DCC: variants seen among roughly 807,000 people sequenced by gnomAD.
The protein encoded by DCC is netrin receptor DCC.
A neutral mutation model predicts 172.5 loss-of-function variants in DCC; 58 were observed. The observed-to-expected ratio is 0.34, with a 90% confidence interval of 0.27 to 0.42. DCC has a LOEUF of 0.42. Ranked by LOEUF, DCC falls within the 10% of genes least tolerant of loss-of-function variation. DCC has a pLI of 1.00. For synonymous variants in DCC, 709 were observed against 644.5 expected, an observed-to-expected ratio of 1.10 and a Z score of -1.52; for missense variants, 1,740 against 1,791.0, an observed-to-expected ratio of 0.97 and a Z score of 0.51.
At chr18:53,236,895 C>A (rs1326129056) in intron 12 of DCC, among the ~76,000 whole-genome samples, 1 of 151,974 alleles carries the variant, frequency 6.6e-6, no homozygotes, top group Admixed American at 6.6e-5. Flanking sequence ...ACATTTGTGT[C>A]TATTTCTGGA....
At chr18:52,954,746 G>A (rs1285040856) in intron 5 of DCC, among the ~76,000 whole-genome samples, 3 of 152,134 alleles carry the variant, frequency 2.0e-5, no homozygotes, top group Non-Finnish European at 2.9e-5. Flanking sequence ...AGCAAATGGA[G>A]TTGATTCGTT....
At chr18:53,493,918 T>C (rs1487193879) in intron 26 of DCC, among the ~76,000 whole-genome samples, 1 of 152,242 alleles carries the variant, frequency 6.6e-6, no homozygotes, top group East Asian at 1.9e-4. Flanking sequence ...ATTGTGATGT[T>C]ATGGTGTTGA....
chr18:52,743,639 C>T (rs2036859785), intron 1 of DCC, among the ~76,000 whole-genome samples: 1 of 152,208 alleles, frequency 6.6e-6, no homozygotes, highest in Non-Finnish European at 1.5e-5. Flanking sequence ...TTGCCTGGGG[C>T]ACACACTTCT....
intron 1 of DCC, among the ~76,000 whole-genome samples, chr18:52,630,722 A>C (rs2034659163): frequency 6.6e-6 from 1 of 152,110 alleles, no homozygotes; most frequent in Non-Finnish European, 1.5e-5. Flanking sequence ...ATATCTCTAG[A>C]AAGAAGCAAT....
At chr18:53,086,738 C>T (rs1408874221) in intron 7 of DCC, among the ~76,000 whole-genome samples, 1 of 102,450 alleles carries the variant, frequency 9.8e-6, no homozygotes, top group Non-Finnish European at 2.2e-5. Context: ...TCTCCCAATG[C>T]TATCCCTCCC....
intron 7 of DCC, among the ~76,000 whole-genome samples, chr18:53,089,898 A>G (rs1466398323): frequency 1.3e-5 from 2 of 152,188 alleles, no homozygotes; most frequent in Non-Finnish European, 2.9e-5. Flanking sequence ...AATCAATAGA[A>G]TTGTTATTTT....
At chr18:53,029,526 G>C (rs1258151530) in intron 5 of DCC, among the ~76,000 whole-genome samples, 1 of 152,140 alleles carries the variant, frequency 6.6e-6, no homozygotes, top group Non-Finnish European at 1.5e-5. Context: ...CTGGTTTGTA[G>C]CCTTTACCAT....
chr18:53,415,743 T>C (rs916824919), intron 20 of DCC, among the ~76,000 whole-genome samples: 1 of 152,046 alleles, frequency 6.6e-6, no homozygotes, highest in African/African-American at 2.4e-5. Context: ...AATAGTCACA[T>C]ACAAGAAAAT....
chr18:52,444,739 C>T (rs548647045), intron 1 of DCC, among the ~76,000 whole-genome samples: 2 of 152,078 alleles, frequency 1.3e-5, no homozygotes, highest in South Asian at 2.1e-4. Flanking sequence ...AGAATGTATT[C>T]GGAGTAATCA....
At chr18:53,140,328 G>A (rs1410441097) in intron 7 of DCC, among the ~76,000 whole-genome samples, 1 of 152,132 alleles carries the variant, frequency 6.6e-6, no homozygotes, top group East Asian at 1.9e-4. Flanking sequence ...GATTAATTTG[G>A]TAGAGGTGAA....
At chr18:52,801,384 T>C (rs996386865) in intron 2 of DCC, among the ~76,000 whole-genome samples, 5 of 152,212 alleles carry the variant, frequency 3.3e-5, no homozygotes, top group Admixed American at 6.5e-5. Flanking sequence ...TCTAATGTTT[T>C]ATATGGATTA....
chr18:53,084,626 A>G (rs2042853413), intron 7 of DCC, among the ~76,000 whole-genome samples: 1 of 152,186 alleles, frequency 6.6e-6, no homozygotes, highest in East Asian at 1.9e-4. Context: ...GCAAGGGCTC[A>G]CAAGCCAAGC....
intron 26 of DCC, among the ~76,000 whole-genome samples, chr18:53,496,430 C>T (rs1191302986): frequency 1.4e-5 from 2 of 147,826 alleles, no homozygotes; most frequent in African/African-American, 2.5e-5. Flanking sequence ...AAAAGGATGT[C>T]CACGAAGAGA....
rs372730155 is a variant in DCC at position 53,429,117 on chromosome 18, TTA to T, written c.3164-6016_3164-6015del. On this transcript the variant is annotated intron_variant, in intron 21 of 28. Coordinates refer to ENST00000442544, the MANE Select transcript of DCC (RefSeq NM_005215.4). The stretch of plus-strand genomic sequence containing the variant: ...ATATTTTATATATAATATATATATT[TTA>T]TATATATATAAATATATATATATCG... Among the ~76,000 whole-genome samples, 2 of 38,852 alleles carry T rather than the reference TTA, an allele frequency of 5.1e-5. 1 individual carries two copies. The highest frequency in any genetic ancestry group is 1.8e-4 in the Non-Finnish European group (2 of 11,316). 25.5% of individuals were successfully genotyped at this position (38,852 alleles called of 152,430 possible).
chr18:52,340,968 G>T, intron 1 of DCC, 90 bp downstream of exon 1: 3 of 1,042,988 alleles, frequency 2.9e-6, no homozygotes, highest in Non-Finnish European at 3.0e-6. Context: ...GAATTGGGGT[G>T]GGGGATAGCA....
intron 12 of DCC, among the ~76,000 whole-genome samples, chr18:53,297,231 T>C (rs2057078536): frequency 6.6e-6 from 1 of 152,194 alleles, no homozygotes; most frequent in South Asian, 2.1e-4. Context: ...TAACACCACA[T>C]CATTGAATTG....
intron 5 of DCC, among the ~76,000 whole-genome samples, chr18:53,026,547 G>A (rs1189334743): frequency 6.6e-6 from 1 of 151,904 alleles, no homozygotes; most frequent in Non-Finnish European, 1.5e-5. Context: ...ACCACAACCT[G>A]TCTTTAAATT....
At chr18:52,887,752 A>G (rs79682974) in intron 2 of DCC, among the ~76,000 whole-genome samples, 2,301 of 152,288 alleles carry the variant, frequency 0.015, 27 homozygotes, top group Non-Finnish European at 0.022. Context: ...GTTTCATAGT[A>G]TAGCTTATCC....
chr18:53,189,600 A>G (rs1397417378), intron 9 of DCC, among the ~76,000 whole-genome samples: 1 of 152,208 alleles, frequency 6.6e-6, no homozygotes. Context: ...AGCAAAGTAG[A>G]AATGTTGGTA....
Sources: gnomAD v4.1 joint callset for allele counts (sites outside exome capture counted in the v4.1 genomes callset) on GRCh38, gnomAD v4.1.1 for gene constraint, MANE v1.5 for transcripts, NCBI Gene and HGNC (gene_info 2026-07-23, HGNC 2026-07-21) for gene names.